Variants in KANK1 observed in about 807,000 individuals in gnomAD.
The protein encoded by KANK1 is KN motif and ankyrin repeat domain-containing protein 1.
Under a neutral mutation model 106.2 loss-of-function variants are expected in KANK1, and 109 were observed. That is an observed-to-expected ratio of 1.03 (90% CI 0.88 to 1.20). The LOEUF (loss-of-function observed/expected upper bound fraction) is 1.20, where lower values mean the gene tolerates loss of function less well. Ranked by LOEUF, KANK1 falls within the 50% of genes most tolerant of loss-of-function variation. KANK1 has a pLI of 0.00. For missense variants in KANK1, 2,399 were observed against 1,710.7 expected, an observed-to-expected ratio of 1.40 and a Z score of -7.10; for synonymous variants, 873 against 652.2, an observed-to-expected ratio of 1.34 and a Z score of -5.16.
At chr9:477,137 G>A (rs1018782164) in intron 3 of KANK1, among the ~76,000 whole-genome samples, 3 of 152,112 alleles carry the variant, frequency 2.0e-5, no homozygotes, top group Admixed American at 2.0e-4. Context: ...GGTGACAGGC[G>A]ATAAAGTAAC....
chr9:536,309 T>G (rs1380967898), intron 1 of KANK1, among the ~76,000 whole-genome samples: 2 of 152,170 alleles, frequency 1.3e-5, no homozygotes, highest in African/African-American at 4.8e-5. Context: ...GCCACTGCAC[T>G]CCAACTTGGG....
rs553584437 is a variant in KANK1, at chr9:543,952, A to G, written c.-84+39198A>G. ...TTTTTTGTTTCCTACCTACCTGGCT[A>G]TTTTCTTACGCTATCTTTATTTGCT... On this transcript the variant is annotated intron_variant, in intron 1 of 11. Transcript: ENST00000382297. Among the ~76,000 whole-genome samples the G allele has an allele frequency of 7.2e-5, 11 of 151,838 alleles. No individual in the cohort carries two copies. In the South Asian group the frequency reaches 1.5e-3, roughly 20 times the overall value.
chr9:581,475 A>G (rs547905111), intron 1 of KANK1, among the ~76,000 whole-genome samples: 9 of 152,236 alleles, frequency 5.9e-5, no homozygotes, highest in South Asian at 2.1e-4. Context: ...ATGGAAGTCA[A>G]TGATGTTGAA....
intron 1 of KANK1, among the ~76,000 whole-genome samples, chr9:618,800 C>T (rs1027690035): frequency 6.6e-6 from 1 of 152,082 alleles, no homozygotes; most frequent in African/African-American, 2.4e-5. Context: ...ACTGGGTGAA[C>T]AGGCGGTGTT....
intron 1 of KANK1, among the ~76,000 whole-genome samples, chr9:616,943 T>G (rs1831982166): frequency 1.3e-5 from 2 of 152,256 alleles, no homozygotes; most frequent in South Asian, 2.1e-4. Context: ...TGAGTGAGGG[T>G]GGGGATATGT....
rs75768907 is a variant in KANK1 at position 589,467 on chromosome 9, G to A, written c.-84+84713G>A. ...CCACTGGGAGGAGGGAGCAGAGTTG[G>A]GGTAAGGAAACTTAGATATACTAAA... On this transcript the variant is annotated intron_variant, in intron 1 of 11. Coordinates refer to ENST00000382297, the MANE Select transcript of KANK1 (RefSeq NM_015158.5). Among the ~76,000 whole-genome samples the A allele has an allele frequency of 5.1e-3, 782 of 152,282 alleles. 5 individuals carry two copies. Among genetic ancestry groups the A allele is most frequent in the African/African-American group, 0.018 (732 of 41,554 alleles).
intron 6 of KANK1, 47 bp from the exon 7 acceptor site, chr9:734,701 T>A: frequency 7.3e-7 from 1 of 1,363,500 alleles, no homozygotes; most frequent in Non-Finnish European, 1.0e-6. Flanking sequence ...GAAATAAAAA[T>A]GATTTTCTTC....
At chr9:670,949 GTTT>G (rs5895857) in intron 1 of KANK1, among the ~76,000 whole-genome samples, 46,844 of 104,472 alleles carry the variant, frequency 0.45, 8,765 homozygotes, top group East Asian at 0.72. Flanking sequence ...GTCTGCTGGA[GTTT>G]TTTTTTTTTT....
At chr9:707,171 G>GAGGCC (rs1374344144) in intron 2 of KANK1, 1 of 985,620 alleles carries the variant, frequency 1.0e-6, no homozygotes, top group Admixed American at 6.1e-5. Context: ...GAGGGCGCCC[G>GAGGCC]AGGCCGGGTC....
chr9:546,860 C>T (rs1163370042), intron 1 of KANK1, among the ~76,000 whole-genome samples: 1 of 152,056 alleles, frequency 6.6e-6, no homozygotes, highest in Non-Finnish European at 1.5e-5. Context: ...CATAGTTAGC[C>T]CCTTGACTGT....
At chr9:737,385 G>A (rs938240504) in intron 7 of KANK1, among the ~76,000 whole-genome samples, 2 of 152,166 alleles carry the variant, frequency 1.3e-5, no homozygotes, top group African/African-American at 4.8e-5. Flanking sequence ...GACATAGGCT[G>A]TCTTTCTTTG....
chr9:555,537 A>G (rs2061531985), intron 1 of KANK1, among the ~76,000 whole-genome samples: 1 of 152,192 alleles, frequency 6.6e-6, no homozygotes, highest in Non-Finnish European at 1.5e-5. Context: ...TATGATGGGG[A>G]TTATCCTTTT....
At chr9:650,345 G>C (rs1260817186) in intron 1 of KANK1, among the ~76,000 whole-genome samples, 1 of 152,176 alleles carries the variant, frequency 6.6e-6, no homozygotes, top group Non-Finnish European at 1.5e-5. Context: ...CAGGGGAATG[G>C]AACATTTTTA....
At chr9:692,549 A>G (rs922049440) in intron 2 of KANK1, among the ~76,000 whole-genome samples, 4 of 148,238 alleles carry the variant, frequency 2.7e-5, no homozygotes, top group African/African-American at 7.5e-5. Context: ...GCTGTTTTAC[A>G]TACCATAGAA....
intron 1 of KANK1, among the ~76,000 whole-genome samples, chr9:658,409 A>G (rs1842599524): frequency 6.6e-6 from 1 of 152,036 alleles, no homozygotes; most frequent in Non-Finnish European, 1.5e-5. Context: ...TCCCTCTCTT[A>G]AAAACTCAGT....
rs72691314 is a variant in KANK1 at position 635,092 on chromosome 9, G to A, written c.-83-41798G>A. On this transcript the variant is annotated intron_variant, in intron 1 of 11. Coordinates refer to ENST00000382297, the MANE Select transcript of KANK1 (RefSeq NM_015158.5). The stretch of plus-strand genomic sequence containing the variant: ...ACCAATCACAGGTAAAGGGAATGCC[G>A]TTATTATGGTAACCAGCATGGGGGA... 1.6e-3 allele frequency among the ~76,000 whole-genome samples: 250 copies of A among 152,250 alleles called. 1 individual carries two copies. The highest frequency in any genetic ancestry group is 5.1e-3 in the African/African-American group (212 of 41,522).
At chr9:618,535 CAG>C (rs1832411414) in intron 1 of KANK1, among the ~76,000 whole-genome samples, 2 of 152,014 alleles carry the variant, frequency 1.3e-5, no homozygotes, top group East Asian at 1.9e-4. Flanking sequence ...AATGAAGAAA[CAG>C]ATATTTTCTC....
chr9:605,126 A>G (rs546426639), intron 1 of KANK1, among the ~76,000 whole-genome samples: 18 of 151,518 alleles, frequency 1.2e-4, no homozygotes, highest in African/African-American at 3.9e-4. Flanking sequence ...ACATGATGAA[A>G]CCTGTCTCTA....
At chr9:656,213 C>T (rs1842108985) in intron 1 of KANK1, among the ~76,000 whole-genome samples, 1 of 152,070 alleles carries the variant, frequency 6.6e-6, no homozygotes, top group Non-Finnish European at 1.5e-5. Context: ...CAGTCTGGCG[C>T]CTTTCCCAGC....
Sources: gnomAD v4.1 joint callset for allele counts (sites outside exome capture counted in the v4.1 genomes callset) on GRCh38, gnomAD v4.1.1 for gene constraint, MANE v1.5 for transcripts, NCBI Gene and HGNC (gene_info 2026-07-23, HGNC 2026-07-21) for gene names.